ADGRG4: variants seen among roughly 807,000 people sequenced by gnomAD.
ADGRG4 encodes the protein G protein-coupled receptor 112.
In ADGRG4, 122 loss-of-function variants were observed where a neutral mutation model predicts 126.2. The observed-to-expected ratio is 0.97, with a 90% CI of 0.83 to 1.12. ADGRG4 has a LOEUF of 1.12. Ranked by LOEUF, ADGRG4 falls within the 50% of genes most tolerant of loss-of-function variation. The pLI is 0.00. For missense variants in ADGRG4, 2,481 were observed against 2,251.8 expected (o/e 1.10, Z -2.06); for synonymous variants, 943 against 838.7 (o/e 1.12, Z -2.15).
chrX:136,332,241 T>G (rs1321900030), intron 5 of ADGRG4, among the ~76,000 whole-genome samples: 5 of 104,920 alleles, frequency 4.8e-5, no homozygotes, highest in Non-Finnish European at 7.8e-5. Flanking sequence ...CACCTATGAG[T>G]GAGAACATGC....
chrX:136,342,838 T>C (rs1322757302), intron 5 of ADGRG4, among the ~76,000 whole-genome samples: 1 of 109,724 alleles, frequency 9.1e-6, no homozygotes, highest in African/African-American at 3.3e-5. Flanking sequence ...AAAAATTTTC[T>C]TTTTATCCTA....
intron 4 of ADGRG4, among the ~76,000 whole-genome samples, chrX:136,312,558 G>A (rs2074779045): frequency 8.9e-6 from 1 of 111,790 alleles, no homozygotes; most frequent in African/African-American, 3.3e-5. Context: ...CCCAGGAAGT[G>A]GAGGTTGCAG....
Position 136,349,497 on chromosome X carries a change from T to C in ADGRG4, c.5791T>C (p.Ser1931Pro). The change falls in exon 6 of 26, where the codon TCT (serine) becomes CCT (proline). Residue 1931 changes from serine (S) to proline (P), a missense_variant. Physicochemically the swap from Ser to Pro is moderately conservative, Grantham distance 74. Transcript: ENST00000394143. ...TFTASQTGLVSKDVMAMSSIP... is the reference protein window; with the variant it reads ...TFTASQTGLVPKDVMAMSSIP... ...CACAGCCTCTCAGACTGGTCTAGTA[T>C]CTAAAGATGTCATGGCAATGTCATC... is the stretch of plus-strand genomic sequence containing the variant. The C allele has an allele frequency of 8.3e-7, 1 of 1,203,330 alleles. No individual in the cohort carries two copies. The highest frequency in any genetic ancestry group is 1.1e-6 in the Non-Finnish European group (1 of 887,954).
chrX:136,404,090 T>C (rs1603300806), intron 22 of ADGRG4, among the ~76,000 whole-genome samples: 1 of 112,015 alleles, frequency 8.9e-6, no homozygotes, highest in Non-Finnish European at 1.9e-5. Flanking sequence ...GAATTAAATG[T>C]AGAAGGTCCT....
At chrX:136,303,187 G>A (rs2074713176) in intron 1 of ADGRG4, among the ~76,000 whole-genome samples, 1 of 112,064 alleles carries the variant, frequency 8.9e-6, no homozygotes, top group African/African-American at 3.2e-5. Context: ...AGGTGTGGTG[G>A]TGGATGCCTG....
At chrX:136,356,273 G>A (rs767603575) in intron 9 of ADGRG4, 108 bp downstream of exon 9, 59 of 466,235 alleles carry the variant, frequency 1.3e-4, no homozygotes, top group Admixed American at 7.7e-4. Context: ...AGGCTTTGTT[G>A]TGGCAATTGG....
intron 16 of ADGRG4, among the ~76,000 whole-genome samples, chrX:136,389,306 A>G (rs745750712): frequency 8.9e-6 from 1 of 112,449 alleles, no homozygotes; most frequent in East Asian, 2.8e-4. Flanking sequence ...CCCTTTTGGT[A>G]GGCTTACAAT....
chrX:136,362,235 T>G (rs1004407240), intron 12 of ADGRG4, among the ~76,000 whole-genome samples: 1 of 111,369 alleles, frequency 9.0e-6, no homozygotes, highest in Non-Finnish European at 1.9e-5. Flanking sequence ...AAAGCACTCT[T>G]TTAGAAAGCA....
chrX:136,302,739 G>T (rs1162113060), intron 1 of ADGRG4, among the ~76,000 whole-genome samples: 1 of 111,871 alleles, frequency 8.9e-6, no homozygotes, highest in Non-Finnish European at 1.9e-5. Context: ...AAAATAAGTT[G>T]CAGAAGAACA....
At chrX:136,398,074 T>C in intron 20 of ADGRG4, 72 bp downstream of exon 20, 1 of 1,005,631 alleles carries the variant, frequency 9.9e-7, no homozygotes, top group Non-Finnish European at 1.4e-6. Context: ...TGTAACTTTG[T>C]TAATTTCATG....
At position 136,347,982 on chromosome X, in the gene ADGRG4, A is replaced by T. The variant is rs1192314602; in HGVS notation, c.4276A>T (p.Ile1426Leu). The T allele has an allele frequency of 2.5e-6, 3 of 1,209,215 alleles. No individual in the cohort carries two copies. In the African/African-American group the frequency reaches 5.2e-5, roughly 21 times the overall value. ...TACCACAACTTCCAGCTCAACAAGG[A>T]TATCAAATCCTATGGACATCAATAC... is the stretch of plus-strand genomic sequence containing the variant. ...VDTTTSSSTRISNPMDINTTF... is the reference protein window; with the variant it reads ...VDTTTSSSTRLSNPMDINTTF... Residue 1426 changes from isoleucine (I) to leucine (L), a missense_variant, in exon 6 of 26, where the codon ATA becomes TTA. Physicochemically the swap from Ile to Leu is conservative, Grantham distance 5. Coordinates refer to ENST00000394143, the MANE Select transcript of ADGRG4 (RefSeq NM_153834.4).
In ADGRG4 at chrX:136,363,614, T is replaced by C; in HGVS notation, c.7396+19T>C. On this transcript the variant is annotated intron_variant, in intron 13 of 25. Transcript: ENST00000394143. ...AGTGATGGTAAGATTGTTTTGTACA[T>C]ATAAGACAAATTATGGAACTTCAAT... The C allele has an allele frequency of 1.0e-6, 1 of 999,862 alleles. No individual in the cohort carries two copies. Among genetic ancestry groups the C allele is most frequent in the Non-Finnish European group, 1.4e-6 (1 of 703,309 alleles). The allele number at this position is 999,862 out of a possible 1,213,427, so 82.4% of individuals were successfully genotyped here. A position where few individuals can be genotyped will look rare whatever the true frequency, so the allele number is the denominator to read the frequency against.
chrX:136,303,508 C>A (rs2074715680), intron 1 of ADGRG4, among the ~76,000 whole-genome samples: 1 of 111,184 alleles, frequency 9.0e-6, no homozygotes, highest in African/African-American at 3.3e-5. Flanking sequence ...GGGAGGGAGG[C>A]AAATTTATGT....
At chrX:136,340,297 T>C (rs762501789) in intron 5 of ADGRG4, among the ~76,000 whole-genome samples, 20 of 111,799 alleles carry the variant, frequency 1.8e-4, no homozygotes, top group Non-Finnish European at 3.2e-4. Context: ...ACTTAAGGTT[T>C]ATAGGAATCT....
At chrX:136,356,908 C>T (rs2075097163) in intron 9 of ADGRG4, among the ~76,000 whole-genome samples, 1 of 111,337 alleles carries the variant, frequency 9.0e-6, no homozygotes, top group Admixed American at 9.5e-5. Context: ...GAGGCTGAGG[C>T]GGGGGGATCA....
At chrX:136,308,523 A>C (rs1165765266) in intron 3 of ADGRG4, among the ~76,000 whole-genome samples, 1 of 112,130 alleles carries the variant, frequency 8.9e-6, no homozygotes, top group African/African-American at 3.2e-5. Flanking sequence ...GGAGCAACAC[A>C]GTGTCCAGCA....
At chrX:136,356,483 T>C (rs757638943) in intron 9 of ADGRG4, among the ~76,000 whole-genome samples, 1 of 112,075 alleles carries the variant, frequency 8.9e-6, no homozygotes, top group East Asian at 2.8e-4. Context: ...CACAATTGTT[T>C]GCAAGACTGG....
chrX:136,400,042 T>G lies in ADGRG4; in HGVS notation c.8501T>G (p.Met2834Arg). The G allele has an allele frequency of 8.3e-7, 1 of 1,205,936 alleles. No individual in the cohort carries two copies. The highest frequency in any genetic ancestry group is 1.1e-6 in the Non-Finnish European group (1 of 890,075). The change falls in exon 21 of 26, where the codon ATG (methionine) becomes AGG (arginine). Residue 2834 changes from methionine to arginine, a missense_variant. By Grantham distance (91) the Met-to-Arg change is moderately conservative. Transcript: ENST00000394143. Reference protein sequence around the residue: ...FTWMGLEAVHMYLALVKVFNI... With the variant: ...FTWMGLEAVHRYLALVKVFNI... ...TGGATGGGCCTGGAGGCAGTCCACATGTATTTGGCTCTAGTCAAAGTCTTC... is the reference window on the plus strand; with the variant it reads ...TGGATGGGCCTGGAGGCAGTCCACAGGTATTTGGCTCTAGTCAAAGTCTTC...
intron 5 of ADGRG4, among the ~76,000 whole-genome samples, chrX:136,328,586 T>C (rs1328351473): frequency 8.9e-6 from 1 of 112,415 alleles, no homozygotes; most frequent in Admixed American, 9.4e-5. Flanking sequence ...TATCAAAGCA[T>C]AGCATCCCTA....
Sources: gnomAD v4.1 joint callset for allele counts (sites outside exome capture counted in the v4.1 genomes callset) on GRCh38, gnomAD v4.1.1 for gene constraint, MANE v1.5 for transcripts, NCBI Gene and HGNC (gene_info 2026-07-23, HGNC 2026-07-21) for gene names.